The following DIPK1A variants were observed in gnomAD, a reference collection of about 807,000 sequenced individuals.
DIPK1A encodes divergent protein kinase domain 1A.
Under a neutral mutation model 40.8 loss-of-function variants are expected in DIPK1A, and 27 were observed. The ratio of observed to expected loss-of-function variants is 0.66; its 90% CI spans 0.49 to 0.91. The LOEUF is 0.91. DIPK1A is among the 40% of genes least tolerant of loss of function. The pLI, the probability that DIPK1A is intolerant of heterozygous loss-of-function variation, is 0.00. For missense variants in DIPK1A, 412 were observed against 505.7 expected (o/e 0.81, Z 1.78); for synonymous variants, 166 against 171.3 (o/e 0.97, Z 0.24).
At chr1:92,879,557 G>A (rs1648280976) in intron 1 of DIPK1A, among the ~76,000 whole-genome samples, 1 of 152,208 alleles carries the variant, frequency 6.6e-6, no homozygotes, top group Non-Finnish European at 1.5e-5. Flanking sequence ...ATCACCTGTT[G>A]TAGACAAAAT....
chr1:92,947,494 TG>T lies in DIPK1A; in HGVS notation c.54+13881del, dbSNP rs1276055889. ...AAAGGGAACTCTTATACACAGTTGGTGGGAATATAAATTAGTACAGCCATTA... is the reference window on the plus strand; with the variant it reads ...AAAGGGAACTCTTATACACAGTTGGTGGAATATAAATTAGTACAGCCATTA... On this transcript the variant is annotated intron_variant, in intron 1 of 4. Coordinates refer to ENST00000370310, the MANE Select transcript of DIPK1A (RefSeq NM_001006605.5). Among the ~76,000 whole-genome samples the T allele has an allele frequency of 3.9e-5, 6 of 152,278 alleles. No individual in the cohort carries two copies. The East Asian group carries it at 9.6e-4, about 24-fold the overall frequency.
intron 1 of DIPK1A, among the ~76,000 whole-genome samples, chr1:92,959,604 A>C (rs1651981547): frequency 1.4e-5 from 2 of 147,052 alleles, no homozygotes; most frequent in African/African-American, 2.5e-5. Context: ...GGCGCCCGCC[A>C]CCACGCCCGG....
intron 3 of DIPK1A, 96 bp downstream of exon 3, chr1:92,850,752 A>T: frequency 1.4e-6 from 1 of 716,302 alleles, no homozygotes; most frequent in South Asian, 1.9e-5. Flanking sequence ...TAATGTCTCA[A>T]AGCTTTGGTT....
chr1:92,877,582 G>A lies in DIPK1A; in HGVS notation c.55-1152C>T, dbSNP rs114201170. On this transcript the variant is annotated intron_variant, in intron 1 of 4. Transcript: ENST00000370310. ...CCCTATTTGTGGTTTAGATATCTTT[G>A]TGAGGTTAACAGATGGTGAATCCCT... Among the ~76,000 whole-genome samples, 345 of 152,322 alleles carry A rather than the reference G, an allele frequency of 2.3e-3. 6 individuals carry two copies. The highest frequency in any genetic ancestry group is 7.7e-3 in the African/African-American group (319 of 41,574).
intron 1 of DIPK1A, among the ~76,000 whole-genome samples, chr1:92,928,904 G>A (rs981113145): frequency 6.6e-6 from 1 of 152,124 alleles, no homozygotes; most frequent in Non-Finnish European, 1.5e-5. Flanking sequence ...AGAGGTTGCA[G>A]TGAGCCAAAA....
intron 1 of DIPK1A, among the ~76,000 whole-genome samples, chr1:92,885,117 A>C (rs549427070): frequency 1.3e-5 from 2 of 152,286 alleles, no homozygotes; most frequent in East Asian, 3.9e-4. Flanking sequence ...ATATGTCCAA[A>C]TACTGAAGAG....
intron 2 of DIPK1A, among the ~76,000 whole-genome samples, chr1:92,858,419 A>G (rs781110618): frequency 1.4e-4 from 22 of 152,220 alleles, no homozygotes; most frequent in Non-Finnish European, 2.9e-4. Context: ...ATACTTGGTT[A>G]CATTCATCTT....
At chr1:92,834,675 TC>T in intron 4 of DIPK1A, 1 of 1,445,602 alleles carries the variant, frequency 6.9e-7, no homozygotes, top group South Asian at 1.2e-5. Flanking sequence ...TAAGTGATGT[TC>T]ATCTGTGTCC....
At chr1:92,913,162 G>T (rs1187343853) in intron 1 of DIPK1A, among the ~76,000 whole-genome samples, 1 of 152,096 alleles carries the variant, frequency 6.6e-6, no homozygotes, top group East Asian at 1.9e-4. Flanking sequence ...AAACATGTTA[G>T]CTTCCTTTTT....
intron 2 of DIPK1A, among the ~76,000 whole-genome samples, chr1:92,872,069 C>CTTTTTTTTT (rs148010880): frequency 4.4e-5 from 3 of 67,936 alleles, no homozygotes; most frequent in African/African-American, 5.8e-5. Flanking sequence ...TTCTTTAAAT[C>CTTTTTTTTT]TTTTTTTTTT....
At chr1:92,895,147 T>C (rs1375997824) in intron 1 of DIPK1A, among the ~76,000 whole-genome samples, 8 of 151,980 alleles carry the variant, frequency 5.3e-5, no homozygotes, top group East Asian at 3.9e-4. Context: ...CTCCCTAACT[T>C]ATTTTATGAG....
chr1:92,915,342 G>A (rs921541293), intron 1 of DIPK1A, among the ~76,000 whole-genome samples: 6 of 152,144 alleles, frequency 3.9e-5, no homozygotes, highest in Non-Finnish European at 7.4e-5. Context: ...ATCCATGAGC[G>A]AGTAGTTTAC....
At chr1:92,908,835 C>T (rs2100833006) in intron 1 of DIPK1A, among the ~76,000 whole-genome samples, 1 of 152,286 alleles carries the variant, frequency 6.6e-6, no homozygotes, top group South Asian at 2.1e-4. Flanking sequence ...GACACCAACT[C>T]CGCTGTCCCT....
rs1687399050 is a variant in DIPK1A, at chr1:92,842,313, A to G, written c.*1070T>C. On this transcript the variant is annotated 3_prime_UTR_variant, in exon 5 of 5. Transcript: ENST00000370310. ...GTCACATAGATTTTTAACATGTTCC[A>G]CTTTAGGTAGGCGAAACCTTTGAGC... 1 of 986,234 alleles carries G rather than the reference A, an allele frequency of 1.0e-6. No individual in the cohort carries two copies. Among genetic ancestry groups the G allele is most frequent in the Non-Finnish European group, 1.2e-6 (1 of 830,490 alleles). 61.1% of individuals were successfully genotyped at this position (986,234 alleles called of 1,614,324 possible).
intron 1 of DIPK1A, among the ~76,000 whole-genome samples, chr1:92,954,940 T>C (rs762744858): frequency 1.3e-5 from 2 of 152,178 alleles, no homozygotes; most frequent in Non-Finnish European, 2.9e-5. Flanking sequence ...GCAACTAAGA[T>C]GCCCTTCAGT....
chr1:92,865,137 G>A (rs1267432097), intron 2 of DIPK1A, among the ~76,000 whole-genome samples: 2 of 151,836 alleles, frequency 1.3e-5, no homozygotes, highest in African/African-American at 2.4e-5. Flanking sequence ...CTAGGTGGGA[G>A]GATCGCTTAA....
intron 2 of DIPK1A, among the ~76,000 whole-genome samples, chr1:92,852,682 A>G (rs942505159): frequency 6.6e-6 from 1 of 152,144 alleles, no homozygotes; most frequent in Admixed American, 6.6e-5. Context: ...AAAATAAAAC[A>G]TCTAGAAATA....
At chr1:92,902,725 G>A (rs1649468515) in intron 1 of DIPK1A, among the ~76,000 whole-genome samples, 1 of 152,182 alleles carries the variant, frequency 6.6e-6, no homozygotes, top group Admixed American at 6.5e-5. Flanking sequence ...ATCCTGATTA[G>A]GGGGTGGGGT....
intron 2 of DIPK1A, among the ~76,000 whole-genome samples, chr1:92,867,460 G>A (rs373660483): frequency 1.6e-4 from 25 of 152,202 alleles, no homozygotes; most frequent in East Asian, 1.2e-3. Flanking sequence ...AGAAAGCTAT[G>A]GAACACAAGA....
Sources: allele counts gnomAD v4.1 joint callset (sites outside exome capture counted in the v4.1 genomes callset), GRCh38; gene constraint gnomAD v4.1.1; transcripts MANE v1.5; gene names NCBI Gene and HGNC (gene_info 2026-07-23, HGNC 2026-07-21).